The following CMA1 variants were observed in gnomAD, a reference collection of about 807,000 sequenced individuals.
CMA1 encodes the protein chymase.
Under a neutral mutation model 18.8 loss-of-function variants are expected in CMA1, and 24 were observed. That is an observed-to-expected ratio of 1.28 (90% CI 0.92 to 1.80). The LOEUF is 1.80. Ranked by LOEUF, CMA1 falls within the 40% of genes most tolerant of loss-of-function variation. The pLI, the probability that CMA1 is intolerant of heterozygous loss-of-function variation, is 0.00. For missense variants in CMA1, 421 were observed against 302.8 expected (o/e 1.39, Z -2.90); for synonymous variants, 152 against 117.0 (o/e 1.30, Z -1.93).
rs760172371 is a variant in CMA1, at chr14:24,505,566, GGGT to G, written c.691_693del (p.Thr231del). On this transcript the variant is annotated inframe_deletion, in exon 5 of 5. Coordinates refer to ENST00000250378, the MANE Select transcript of CMA1 (RefSeq NM_001836.5). The stretch of plus-strand genomic sequence containing the variant: ...ATCCAGGGCCGGTAATGGGAGATTC[GGGT>G]GAAGACAGCAGGGGGCTTTGCATCC... The G allele has an allele frequency of 5.6e-6, 9 of 1,613,914 alleles. No homozygotes were observed. The South Asian group carries it at 9.9e-5, about 18-fold the overall frequency.
chr14:24,506,342 T>A, intron 3 of CMA1, 60 bp from the exon 4 acceptor site: 3 of 1,596,806 alleles, frequency 1.9e-6, no homozygotes, highest in Non-Finnish European at 2.6e-6. Flanking sequence ...TTGGAGGTGA[T>A]CAGGGAGGGA....
chr14:24,505,763 G>T, intron 4 of CMA1, 104 bp from the exon 5 acceptor site: 2 of 1,402,250 alleles, frequency 1.4e-6, no homozygotes, highest in Non-Finnish European at 9.6e-7. Context: ...AGACGCAGGA[G>T]GTGGAGCTCC....
intron 4 of CMA1, 124 bp from the exon 5 acceptor site, chr14:24,505,783 C>A (rs184287309): frequency 7.9e-7 from 1 of 1,268,076 alleles, no homozygotes; most frequent in Non-Finnish European, 1.1e-6. Context: ...CTCACTTATA[C>A]ATCTAGTTCT....
rs2043866318 is a variant in CMA1 at position 24,507,365 on chromosome 14, C to T, written c.200G>A (p.Cys67Tyr). Reference sequence around the variant, plus strand: ...GACCCTGTTGTCTCACCTTCCTGCACAATGAGCAGCCGTCAGCACAAAGTT... The same window carrying T: ...GACCCTGTTGTCTCACCTTCCTGCATAATGAGCAGCCGTCAGCACAAAGTT... ...RRNFVLTAAH[C>Y]AGRSITVTLG... The change falls in exon 2 of 5, where the codon TGT becomes TAT. Residue 67 changes from cysteine (C) to tyrosine (Y), a missense_variant. Transcript: ENST00000250378. The T allele has an allele frequency of 6.2e-7, 1 of 1,614,162 alleles. No homozygotes were observed. The highest frequency in any genetic ancestry group is 8.5e-7 in the Non-Finnish European group (1 of 1,180,020).
rs746471143 is a variant in CMA1 at position 24,505,672 on chromosome 14, G to T, written c.601-13C>A. 4 of 1,591,410 alleles carry T rather than the reference G, an allele frequency of 2.5e-6. No homozygotes were observed. Among genetic ancestry groups the T allele is most frequent in the Non-Finnish European group, 3.4e-6 (4 of 1,169,690 alleles). ...CCCCAGAGTCTCCCTGTAGGGGGAG[G>T]AGAGAGAGAAGAAGGTGAGCCCGGG... On this transcript the variant is annotated splice_polypyrimidine_tract_variant and intron_variant, in intron 4 of 4. Coordinates refer to ENST00000250378, the MANE Select transcript of CMA1 (RefSeq NM_001836.5).
In CMA1 at chr14:24,505,524, C is replaced by T. The variant is rs1349339538; in HGVS notation, c.736G>A (p.Ala246Thr). ...YRPWINQILQAN is the reference protein window; with the variant it reads ...YRPWINQILQTN ...TGGCTCAGGATCCAGGATTAATTTG[C>T]CTGCAGGATCTGGTTGATCCAGGGC... Residue 246 changes from alanine (A) to threonine (T), a missense_variant, in exon 5 of 5, where the codon GCA becomes ACA. By Grantham distance (58) the Ala-to-Thr change is moderately conservative (BLOSUM62 0). Coordinates refer to ENST00000250378, the MANE Select transcript of CMA1 (RefSeq NM_001836.5). The T allele has an allele frequency of 5.0e-6, 8 of 1,614,034 alleles. No homozygotes were observed. Among genetic ancestry groups the T allele is most frequent in the Non-Finnish European group, 6.8e-6 (8 of 1,180,008 alleles).
Position 24,505,394 on chromosome 14 carries a change from G to A in CMA1, c.*122C>T, listed in dbSNP as rs1245055922. On this transcript the variant is annotated 3_prime_UTR_variant, in exon 5 of 5. Coordinates refer to ENST00000250378, the MANE Select transcript of CMA1 (RefSeq NM_001836.5). Reference sequence around the variant, plus strand: ...TTTATTGAGAGTTCTGTGACCTGTAGGATACTTCTGGAGGCTTAGGGTTGT... The same window carrying A: ...TTTATTGAGAGTTCTGTGACCTGTAAGATACTTCTGGAGGCTTAGGGTTGT... 4 of 1,270,560 alleles carry A rather than the reference G, an allele frequency of 3.1e-6. No individual in the cohort carries two copies. Among genetic ancestry groups the A allele is most frequent in the Non-Finnish European group, 4.5e-6 (4 of 881,704 alleles). The allele number at this position is 1,270,560 out of a possible 1,614,324, so 78.7% of individuals were successfully genotyped here.
Position 24,507,520 on chromosome 14 carries a change from C to A in CMA1, c.59-14G>T. The A allele has an allele frequency of 6.2e-7, 1 of 1,608,930 alleles. No individual in the cohort carries two copies. Among genetic ancestry groups the A allele is most frequent in the Non-Finnish European group, 8.5e-7 (1 of 1,177,434 alleles). On this transcript the variant is annotated splice_polypyrimidine_tract_variant and intron_variant, in intron 1 of 4. Coordinates refer to ENST00000250378, the MANE Select transcript of CMA1 (RefSeq NM_001836.5). The stretch of plus-strand genomic sequence containing the variant: ...CGATGATCTCCCCTGGAACAGAGCA[C>A]CCCAGGGTTTGAACACGGCCATAGA...
At chr14:24,507,812 T>G (rs760321696) in intron 1 of CMA1, among the ~76,000 whole-genome samples, 3 of 152,222 alleles carry the variant, frequency 2.0e-5, no homozygotes, top group Non-Finnish European at 4.4e-5. Flanking sequence ...CTGTTTTAGA[T>G]TTCTCCATAG....
In CMA1 at chr14:24,508,177, C is replaced by T. The variant is rs773172826; in HGVS notation, c.58+1G>A. 6 of 1,613,574 alleles carry T rather than the reference C, an allele frequency of 3.7e-6. No individual in the cohort carries two copies. In the South Asian group the frequency reaches 4.4e-5, roughly 12 times the overall value. The stretch of plus-strand genomic sequence containing the variant: ...TCAGAGGGAAGAACCCTGATACTCA[C>T]CAGCTTCAGCTCTGGAGCACAAGAG... On this transcript the variant is annotated splice_donor_variant, in intron 1 of 4. Coordinates refer to ENST00000250378, the MANE Select transcript of CMA1 (RefSeq NM_001836.5). LOFTEE classifies it high-confidence loss of function.
rs764394472 is a variant in CMA1 at position 24,506,054 on chromosome 14, G to C, written c.574C>G (p.Pro192Ala). The C allele has an allele frequency of 1.2e-6, 2 of 1,614,074 alleles. No homozygotes were observed. Among genetic ancestry groups the C allele is most frequent in the Non-Finnish European group, 1.7e-6 (2 of 1,180,042 alleles). The change falls in exon 4 of 5, where the codon CCC becomes GCC. Residue 192 changes from proline to alanine, a missense_variant. Physicochemically the swap from Pro to Ala is conservative, Grantham distance 27 (BLOSUM62 -1). Coordinates refer to ENST00000250378, the MANE Select transcript of CMA1 (RefSeq NM_001836.5). Reference protein sequence around the residue: ...DHNLQLCVGNPRKTKSAFKGD... With the variant: ...DHNLQLCVGNARKTKSAFKGD... ...TTAAATGCAGATTTTGTCTTCCTGG[G>C]ATTGCCCACACACAGCTGAAGATTG...
chr14:24,506,030 T>C lies in CMA1; in HGVS notation c.598A>G (p.Lys200Glu), dbSNP rs750177234. The C allele has an allele frequency of 1.2e-6, 2 of 1,614,072 alleles. No individual in the cohort carries two copies. Among genetic ancestry groups the C allele is most frequent in the Non-Finnish European group, 8.5e-7 (1 of 1,179,950 alleles). The change falls in exon 4 of 5, where the codon AAG becomes GAG. Residue 200 changes from lysine to glutamate, a missense_variant and splice_region_variant. Lys to Glu is a moderately conservative substitution (Grantham distance 56). Transcript: ENST00000250378. ...GNPRKTKSAF[K>E]GDSGGPLLCA... is the part of the protein sequence containing the mutation. ...AGGAAACCTAGTTGGAGGATCACCT[T>C]AAATGCAGATTTTGTCTTCCTGGGA...
In CMA1 at chr14:24,506,269, G is replaced by C; in HGVS notation, c.359C>G (p.Ala120Gly). ...TGTCCCCACAGCCAGGGTCAGGCTGGCTTTCTCCTTCAACTGTGAAGGGAA... is the reference window on the plus strand; with the variant it reads ...TGTCCCCACAGCCAGGGTCAGGCTGCCTTTCTCCTTCAACTGTGAAGGGAA... ...DIMLLKLKEK[A>G]SLTLAVGTLP... is the part of the protein sequence containing the mutation. The change falls in exon 4 of 5, where the codon GCC becomes GGC. Residue 120 changes from alanine (A) to glycine (G), a missense_variant. Ala to Gly is a moderately conservative substitution (Grantham distance 60). Coordinates refer to ENST00000250378, the MANE Select transcript of CMA1 (RefSeq NM_001836.5). The C allele has an allele frequency of 3.7e-6, 6 of 1,613,938 alleles. No homozygotes were observed. The highest frequency in any genetic ancestry group is 5.1e-6 in the Non-Finnish European group (6 of 1,179,952).
intron 4 of CMA1, 140 bp from the exon 5 acceptor site, chr14:24,505,799 C>G: frequency 8.5e-7 from 1 of 1,182,368 alleles, no homozygotes; most frequent in Non-Finnish European, 1.2e-6. Flanking sequence ...GTTCTGATGC[C>G]CCTTCTTCCT....
At position 24,505,539 on chromosome 14, in the gene CMA1, T is replaced by C. The variant is rs373795207; in HGVS notation, c.721A>G (p.Asn241Asp). ...GATTAATTTGCCTGCAGGATCTGGTTGATCCAGGGCCGGTAATGGGAGATT... is the reference window on the plus strand; with the variant it reads ...GATTAATTTGCCTGCAGGATCTGGTCGATCCAGGGCCGGTAATGGGAGATT... Reference protein sequence around the residue: ...TRISHYRPWINQILQAN With the variant: ...TRISHYRPWIDQILQAN The change falls in exon 5 of 5, where the codon AAC (asparagine) becomes GAC (aspartate). Residue 241 changes from asparagine to aspartate, a missense_variant. By Grantham distance (23) the Asn-to-Asp change is conservative (BLOSUM62 1). Transcript: ENST00000250378. 12 of 1,613,970 alleles carry C rather than the reference T, an allele frequency of 7.4e-6. No individual in the cohort carries two copies. In the African/African-American group the frequency reaches 9.3e-5, roughly 13 times the overall value.
intron 2 of CMA1, 132 bp from the exon 3 acceptor site, chr14:24,506,736 A>C: frequency 9.2e-7 from 1 of 1,092,374 alleles, no homozygotes; most frequent in Non-Finnish European, 1.3e-6. Flanking sequence ...CTCCCTTTTC[A>C]TGGGCCACTT....
intron 2 of CMA1, 119 bp downstream of exon 2, chr14:24,507,237 T>G: frequency 8.4e-7 from 1 of 1,193,458 alleles, no homozygotes; most frequent in Admixed American, 1.8e-5. Flanking sequence ...AAGTCTTCCC[T>G]CTCCTGAAAG....
Position 24,505,431 on chromosome 14 carries a change from C to A in CMA1, c.*85G>T, listed in dbSNP as rs1278709674. On this transcript the variant is annotated 3_prime_UTR_variant, in exon 5 of 5. Coordinates refer to ENST00000250378, the MANE Select transcript of CMA1 (RefSeq NM_001836.5). ...AGGCTTAGGGTTGTGGCTGAGGGAC[C>A]AAGGGTAGACCAGAATGAGTGGCAC... 2.1e-5 allele frequency: 33 copies of A among 1,578,958 alleles called. No homozygotes were observed. The highest frequency in any genetic ancestry group is 5.6e-5 in the South Asian group (5 of 89,772).
At chr14:24,506,402 C>A (rs1047362686) in intron 3 of CMA1, 67 bp downstream of exon 3, 29 of 1,600,666 alleles carry the variant, frequency 1.8e-5, no homozygotes, top group Non-Finnish European at 2.4e-5. Context: ...AAATTCAGGG[C>A]AATGAGGACC....
Sources: gnomAD v4.1 joint callset for allele counts (sites outside exome capture counted in the v4.1 genomes callset) on GRCh38, gnomAD v4.1.1 for gene constraint, MANE v1.5 for transcripts, NCBI Gene and HGNC (gene_info 2026-07-23, HGNC 2026-07-21) for gene names.